Variants in CD86 observed in about 807,000 individuals in gnomAD.
CD86 encodes T-lymphocyte activation antigen CD86.
A neutral mutation model predicts 32.1 loss-of-function variants in CD86; 11 were observed. The observed-to-expected ratio is 0.34, with a 90% CI of 0.22 to 0.57. The LOEUF is 0.57. CD86 is among the 20% of genes least tolerant of loss of function. CD86 has a pLI of 0.86. For missense variants in CD86, 359 were observed against 398.4 expected, an observed-to-expected ratio of 0.90 and a Z score of 0.84; for synonymous variants, 137 against 135.3, an observed-to-expected ratio of 1.01 and a Z score of -0.09.
At chr3:122,097,650 G>A (rs2072928928) in intron 2 of CD86, among the ~76,000 whole-genome samples, 1 of 152,160 alleles carries the variant, frequency 6.6e-6, no homozygotes, top group Non-Finnish European at 1.5e-5. Context: ...CAAGGGTGGG[G>A]AGAATTCATG....
At position 122,055,454 on chromosome 3, in the gene CD86, A is replaced by G. The variant is rs536015475; in HGVS notation, c.-36A>G. ...CACAGACACACGGATGAGTGGGGTCATTTCCAGATATTAGGTCACAGCAGA... is the reference window on the plus strand; with the variant it reads ...CACAGACACACGGATGAGTGGGGTCGTTTCCAGATATTAGGTCACAGCAGA... On this transcript the variant is annotated 5_prime_UTR_variant, in exon 1 of 7. Coordinates refer to ENST00000330540, the MANE Select transcript of CD86 (RefSeq NM_175862.5). 8 of 1,610,868 alleles carry G rather than the reference A, an allele frequency of 5.0e-6. No individual in the cohort carries two copies. The African/African-American group carries it at 5.3e-5, about 11-fold the overall frequency.
At chr3:122,058,922 C>A (rs967655503) in intron 1 of CD86, among the ~76,000 whole-genome samples, 3 of 151,910 alleles carry the variant, frequency 2.0e-5, no homozygotes, top group Non-Finnish European at 4.4e-5. Context: ...ATTTTAGCAC[C>A]AGAATTGACA....
chr3:122,104,059 T>G (rs1169437438), intron 3 of CD86, among the ~76,000 whole-genome samples: 2 of 152,114 alleles, frequency 1.3e-5, no homozygotes, highest in African/African-American at 4.8e-5. Flanking sequence ...CTTTTTATAG[T>G]CTGCTTCTGA....
intron 2 of CD86, chr3:122,092,001 T>C: frequency 5.0e-6 from 1 of 201,464 alleles, no homozygotes; most frequent in Non-Finnish European, 1.0e-5. Flanking sequence ...GTTCCACACA[T>C]ATTCTCTTCT....
At chr3:122,060,548 G>A (rs538177743) in intron 1 of CD86, among the ~76,000 whole-genome samples, 11 of 152,046 alleles carry the variant, frequency 7.2e-5, no homozygotes, top group African/African-American at 1.4e-4. Context: ...CTCAGGAGGC[G>A]GAGGTGGGAG....
intron 5 of CD86, among the ~76,000 whole-genome samples, chr3:122,115,812 T>C (rs1346326886): frequency 6.8e-6 from 1 of 147,658 alleles, no homozygotes; most frequent in African/African-American, 2.5e-5. Context: ...ATTTACTATA[T>C]ATAGTAATTA....
At chr3:122,077,587 T>G (rs1197441296) in intron 1 of CD86, among the ~76,000 whole-genome samples, 4 of 152,238 alleles carry the variant, frequency 2.6e-5, no homozygotes, top group Non-Finnish European at 5.9e-5. Flanking sequence ...TGCCCACATT[T>G]GTTGAACTGA....
At chr3:122,055,988 T>A (rs1208956924) in intron 1 of CD86, among the ~76,000 whole-genome samples, 3 of 151,944 alleles carry the variant, frequency 2.0e-5, no homozygotes, top group Non-Finnish European at 2.9e-5. Flanking sequence ...CCATGGGAGA[T>A]TCTGGGCAGG....
At chr3:122,082,003 G>A (rs1169593362) in intron 1 of CD86, among the ~76,000 whole-genome samples, 1 of 152,182 alleles carries the variant, frequency 6.6e-6, no homozygotes. Context: ...GGGTGAGAGC[G>A]ATGGAGTGTC....
intron 5 of CD86, among the ~76,000 whole-genome samples, chr3:122,109,799 A>G (rs1464032304): frequency 1.3e-5 from 2 of 152,242 alleles, no homozygotes; most frequent in African/African-American, 4.8e-5. Flanking sequence ...CTAAATGACC[A>G]CAAGAATCAG....
At chr3:122,089,651 T>C (rs2072781258) in intron 1 of CD86, among the ~76,000 whole-genome samples, 1 of 152,236 alleles carries the variant, frequency 6.6e-6, no homozygotes, top group Non-Finnish European at 1.5e-5. Context: ...GGGAGAACAA[T>C]TTGCAACTAT....
intron 1 of CD86, among the ~76,000 whole-genome samples, chr3:122,090,348 AG>A (rs546672521): frequency 7.9e-5 from 12 of 152,244 alleles, no homozygotes; most frequent in Non-Finnish European, 1.8e-4. Context: ...TATTCGATCA[AG>A]AATAGTTGTG....
chr3:122,081,938 A>C (rs151052847), intron 1 of CD86, among the ~76,000 whole-genome samples: 3 of 152,302 alleles, frequency 2.0e-5, no homozygotes, highest in Admixed American at 1.3e-4. Context: ...CCAGACAGGG[A>C]TCCTTTAAAT....
intron 5 of CD86, 32 bp from the exon 6 acceptor site, chr3:122,118,016 C>G (rs1357144602): frequency 6.3e-7 from 1 of 1,595,856 alleles, no homozygotes; most frequent in Non-Finnish European, 8.6e-7. Flanking sequence ...AGGAGGAATA[C>G]ATTTTTGAAG....
intron 1 of CD86, 57 bp from the exon 2 acceptor site, chr3:122,091,544 A>G (rs904960335): frequency 2.9e-6 from 4 of 1,378,108 alleles, no homozygotes; most frequent in Non-Finnish European, 4.1e-6. Context: ...TTTGGTGAAC[A>G]TCGGTTTTCA....
chr3:122,063,480 T>G (rs1012653303), intron 1 of CD86, among the ~76,000 whole-genome samples: 1 of 152,108 alleles, frequency 6.6e-6, no homozygotes, highest in Non-Finnish European at 1.5e-5. Flanking sequence ...AATGACTCCT[T>G]AATGAGAGAA....
intron 5 of CD86, among the ~76,000 whole-genome samples, chr3:122,117,413 G>T (rs58336014): frequency 0.029 from 4,379 of 152,266 alleles, 212 homozygotes; most frequent in African/African-American, 0.1. Context: ...GGATTCTTGT[G>T]GTCTATAAAT....
At chr3:122,056,612 G>A (rs759614825) in intron 1 of CD86, among the ~76,000 whole-genome samples, 11 of 152,160 alleles carry the variant, frequency 7.2e-5, no homozygotes, top group South Asian at 4.1e-4. Context: ...GATTACAGGC[G>A]TGAGCCACCG....
intron 1 of CD86, among the ~76,000 whole-genome samples, chr3:122,058,352 A>G (rs1015270030): frequency 6.6e-6 from 1 of 152,298 alleles, no homozygotes; most frequent in Middle Eastern, 3.4e-3. Flanking sequence ...GGAGTGACTG[A>G]TGACAGTGGG....
Sources: gnomAD v4.1 joint callset for allele counts (sites outside exome capture counted in the v4.1 genomes callset) on GRCh38, gnomAD v4.1.1 for gene constraint, MANE v1.5 for transcripts, NCBI Gene and HGNC (gene_info 2026-07-23, HGNC 2026-07-21) for gene names.